AHI1: variants seen among roughly 807,000 people sequenced by gnomAD.
The protein encoded by AHI1 is jouberin.
In AHI1, 123 loss-of-function variants were observed where a neutral mutation model predicts 149.3. The ratio of observed to expected loss-of-function variants is 0.82; its 90% CI spans 0.71 to 0.96. The LOEUF (loss-of-function observed/expected upper bound fraction) is 0.96, where lower values mean the gene tolerates loss of function less well. Among genes scored for constraint, AHI1 ranks in the 40% least tolerant of loss-of-function variants. The pLI, the probability that AHI1 is intolerant of heterozygous loss-of-function variation, is 0.00. For missense variants in AHI1, 1,439 were observed against 1,422.7 expected (o/e 1.01, Z -0.18); for synonymous variants, 475 against 459.8 (o/e 1.03, Z -0.42).
intron 24 of AHI1, among the ~76,000 whole-genome samples, chr6:135,350,212 C>T (rs1791868339): frequency 6.6e-6 from 1 of 152,192 alleles, no homozygotes; most frequent in African/African-American, 2.4e-5. Flanking sequence ...GCTTCTGATT[C>T]ATCATGCCTC....
chr6:135,286,808 A>C (rs1269427752), intron 28 of AHI1, among the ~76,000 whole-genome samples: 1 of 152,226 alleles, frequency 6.6e-6, no homozygotes, highest in African/African-American at 2.4e-5. Flanking sequence ...CGTTCTAGTG[A>C]AGCTCATGAA....
Position 135,431,196 on chromosome 6 carries a change from A to G in AHI1, c.2373+12T>C. 1 of 1,481,594 alleles carries G rather than the reference A, an allele frequency of 6.7e-7. No individual in the cohort carries two copies. Among genetic ancestry groups the G allele is most frequent in the South Asian group, 1.2e-5 (1 of 80,348 alleles). 91.8% of individuals were successfully genotyped at this position (1,481,594 alleles called of 1,614,324 possible). On this transcript the variant is annotated intron_variant, in intron 17 of 28. Transcript: ENST00000265602. ...TTAATTAAATCCCAAAATATAAAAT[A>G]TGATTTTATACCTTATTTATAGTCC...
At chr6:135,414,484 G>C (rs1395510777) in intron 20 of AHI1, among the ~76,000 whole-genome samples, 2 of 152,016 alleles carry the variant, frequency 1.3e-5, no homozygotes, top group African/African-American at 2.4e-5. Context: ...AAACTGTTAA[G>C]ACAATTAGAA....
intron 23 of AHI1, among the ~76,000 whole-genome samples, chr6:135,369,346 T>C: frequency 6.6e-6 from 1 of 152,240 alleles, no homozygotes; most frequent in Non-Finnish European, 1.5e-5. Flanking sequence ...TAGTAGTTCT[T>C]GGAGCAAAAG....
At chr6:135,306,300 T>C (rs1362358631) in intron 26 of AHI1, among the ~76,000 whole-genome samples, 1 of 152,154 alleles carries the variant, frequency 6.6e-6, no homozygotes, top group Non-Finnish European at 1.5e-5. Flanking sequence ...AGGTCTGCCA[T>C]AGAAAGGAAA....
At chr6:135,351,496 AAC>A (rs978369484) in intron 24 of AHI1, among the ~76,000 whole-genome samples, 7 of 152,204 alleles carry the variant, frequency 4.6e-5, no homozygotes, top group Non-Finnish European at 8.8e-5. Context: ...ACTAAAGACA[AAC>A]ACAGCCAAAG....
In AHI1 at chr6:135,455,731, T is replaced by C. The variant is rs1788829778; in HGVS notation, c.1344+3A>G. On this transcript the variant is annotated splice_donor_region_variant and intron_variant, in intron 10 of 28. Transcript: ENST00000265602. ...AATTTGAATTGGTCCATTCAATTCA[T>C]ACCTCAAAGAACAGGATGACTTTAG... The C allele has an allele frequency of 2.5e-6, 4 of 1,571,474 alleles. No homozygotes were observed. The highest frequency in any genetic ancestry group is 2.3e-5 in the East Asian group (1 of 44,280).
chr6:135,418,930 G>A (rs1038709565), intron 20 of AHI1, among the ~76,000 whole-genome samples: 1 of 150,324 alleles, frequency 6.7e-6, no homozygotes, highest in African/African-American at 2.4e-5. Context: ...TGCAGTAAAT[G>A]TTCAGTACTT....
intron 21 of AHI1, among the ~76,000 whole-genome samples, chr6:135,410,978 G>C (rs1781500329): frequency 6.6e-6 from 1 of 152,192 alleles, no homozygotes; most frequent in African/African-American, 2.4e-5. Context: ...GAGTGGCTGA[G>C]ATTACAGGTG....
chr6:135,423,942 A>C (rs561198105), intron 20 of AHI1, among the ~76,000 whole-genome samples: 1 of 152,180 alleles, frequency 6.6e-6, no homozygotes, highest in Admixed American at 6.6e-5. Context: ...ACTCCACTGA[A>C]AACACTACAT....
intron 5 of AHI1, among the ~76,000 whole-genome samples, chr6:135,486,956 G>C (rs1794564635): frequency 6.6e-6 from 1 of 151,854 alleles, no homozygotes; most frequent in African/African-American, 2.4e-5. Context: ...TTGAGAGACA[G>C]GATCTTATTA....
intron 23 of AHI1, among the ~76,000 whole-genome samples, chr6:135,389,825 G>C (rs986835642): frequency 6.6e-6 from 1 of 152,128 alleles, no homozygotes; most frequent in African/African-American, 2.4e-5. Context: ...CACATTGCCA[G>C]TAGTAACACT....
chr6:135,466,842 C>CCA (rs967903284), intron 6 of AHI1, among the ~76,000 whole-genome samples: 4 of 152,220 alleles, frequency 2.6e-5, no homozygotes, highest in Non-Finnish European at 4.4e-5. Flanking sequence ...GATCACCCTG[C>CCA]AGTAAATCTA....
chr6:135,448,936 C>T lies in AHI1; in HGVS notation c.1441-461G>A, dbSNP rs141203457. Among the ~76,000 whole-genome samples, 848 of 152,212 alleles carry T rather than the reference C, an allele frequency of 5.6e-3. 6 individuals are homozygous for T. The highest frequency in any genetic ancestry group is 0.01 in the Non-Finnish European group (690 of 67,998). ...TTAAAATCATTTCAAGATAATTAAA[C>T]TCATTCAAGCCATTCGTTACATTTT... On this transcript the variant is annotated intron_variant, in intron 11 of 28. Coordinates refer to ENST00000265602, the MANE Select transcript of AHI1 (RefSeq NM_001134831.2).
chr6:135,298,037 C>A (rs55996354), intron 27 of AHI1, among the ~76,000 whole-genome samples: 3,274 of 151,914 alleles, frequency 0.022, 127 homozygotes, highest in African/African-American at 0.074. Context: ...TTAAAAAAAA[C>A]CCAACAAAAT....
In AHI1 at chr6:135,467,652, A is replaced by T; in HGVS notation, c.136-18T>A. ...GTGTCAGGCTAAAAAGGAAGACATA[A>T]TAAAGTTTCAGCTAAGCGTAGATTA... On this transcript the variant is annotated intron_variant, in intron 5 of 28. Coordinates refer to ENST00000265602, the MANE Select transcript of AHI1 (RefSeq NM_001134831.2). 1 of 1,576,838 alleles carries T rather than the reference A, an allele frequency of 6.3e-7. No homozygotes were observed. Among genetic ancestry groups the T allele is most frequent in the Non-Finnish European group, 8.7e-7 (1 of 1,151,392 alleles).
chr6:135,467,845 A>C, intron 5 of AHI1, among the ~76,000 whole-genome samples: 1 of 152,258 alleles, frequency 6.6e-6, no homozygotes, highest in East Asian at 1.9e-4. Flanking sequence ...GTAACTTCAG[A>C]TTAACATTTT....
In AHI1 at chr6:135,302,327, G is replaced by A. The variant is rs1308619300; in HGVS notation, c.3427-1769C>T. On this transcript the variant is annotated intron_variant, in intron 26 of 28. Transcript: ENST00000265602. The stretch of plus-strand genomic sequence containing the variant: ...TTGAACCTATTCCAGAGGTTGAGGG[G>A]AGAGAAGTCATACTGAACTATATAC... The A allele has an allele frequency of 6.1e-6, 6 of 985,538 alleles. No individual in the cohort carries two copies. The Admixed American group carries it at 2.5e-4, about 40-fold the overall frequency. 61.0% of individuals were successfully genotyped at this position (985,538 alleles called of 1,614,324 possible).
chr6:135,461,115 TAATC>T (rs1351876988), intron 8 of AHI1, among the ~76,000 whole-genome samples: 1 of 151,570 alleles, frequency 6.6e-6, no homozygotes, highest in Admixed American at 6.6e-5. Context: ...GAGAGAGAAA[TAATC>T]AAACCAGAGT....
Sources: allele counts gnomAD v4.1 joint callset (sites outside exome capture counted in the v4.1 genomes callset), GRCh38; gene constraint gnomAD v4.1.1; transcripts MANE v1.5; gene names NCBI Gene and HGNC (gene_info 2026-07-23, HGNC 2026-07-21).